The following SHISA9 variants were observed in gnomAD, a reference collection of about 807,000 sequenced individuals.
SHISA9 encodes the protein protein shisa-9.
SHISA9 carries 13 observed loss-of-function variants against 38.0 expected under a neutral mutation model. That is an observed-to-expected ratio of 0.34 (90% CI 0.22 to 0.54). The LOEUF (loss-of-function observed/expected upper bound fraction) is 0.54, where lower values mean the gene tolerates loss of function less well. SHISA9 is among the 20% of genes least tolerant of loss of function. The pLI is 0.91. For synonymous variants in SHISA9, 275 were observed against 242.0 expected, an observed-to-expected ratio of 1.14 and a Z score of -1.27; for missense variants, 538 against 575.8, an observed-to-expected ratio of 0.93 and a Z score of 0.67.
At chr16:12,919,577 A>C (rs888854409) in intron 2 of SHISA9, among the ~76,000 whole-genome samples, 4 of 152,176 alleles carry the variant, frequency 2.6e-5, no homozygotes, top group Non-Finnish European at 5.9e-5. Flanking sequence ...GTTTTAGTCA[A>C]ATGGTAAGAT....
At chr16:13,029,332 A>C (rs1363546767) in intron 2 of SHISA9, among the ~76,000 whole-genome samples, 2 of 151,378 alleles carry the variant, frequency 1.3e-5, no homozygotes, top group Non-Finnish European at 2.9e-5. Flanking sequence ...TTGGCTGAAC[A>C]CGGTGGCTTA....
chr16:13,218,164 A>C (rs1345950994), intron 4 of SHISA9, among the ~76,000 whole-genome samples: 2 of 152,196 alleles, frequency 1.3e-5, no homozygotes, highest in Admixed American at 1.3e-4. Flanking sequence ...AAAGTACGTC[A>C]CAACAGGACC....
At chr16:13,062,481 G>C (rs1048753373) in intron 2 of SHISA9, among the ~76,000 whole-genome samples, 4 of 152,204 alleles carry the variant, frequency 2.6e-5, no homozygotes, top group East Asian at 1.9e-4. Context: ...TGAGCAACAG[G>C]GGTCCTTTTG....
intron 2 of SHISA9, among the ~76,000 whole-genome samples, chr16:13,136,650 T>C (rs2050352085): frequency 6.6e-6 from 1 of 152,144 alleles, no homozygotes; most frequent in Admixed American, 6.5e-5. Context: ...TCCACCTGCC[T>C]TGGCCTCCCA....
the SHISA9 span, chr16:13,350,564 T>C: frequency 6.6e-6 from 1 of 152,210 alleles, no homozygotes; most frequent in Non-Finnish European, 1.5e-5. Flanking sequence ...TGAGATTGCT[T>C]CCTGTCTAGC....
At chr16:13,466,638 A>G in the SHISA9 span, among the ~76,000 whole-genome samples, 1 of 152,356 alleles carries the variant, frequency 6.6e-6, no homozygotes, top group South Asian at 2.1e-4. Context: ...TTCAAAAATG[A>G]AGATTGTAAC....
the SHISA9 span, among the ~76,000 whole-genome samples, chr16:13,494,637 G>A: frequency 6.6e-6 from 1 of 152,002 alleles, no homozygotes; most frequent in Non-Finnish European, 1.5e-5. Context: ...TGAACTTATA[G>A]GGGAATGGTT....
chr16:13,090,534 T>C (rs939849460), intron 2 of SHISA9, among the ~76,000 whole-genome samples: 4 of 152,230 alleles, frequency 2.6e-5, no homozygotes, highest in Non-Finnish European at 4.4e-5. Context: ...TCTTGTTTAA[T>C]TGATCCCTTT....
In SHISA9 at chr16:13,201,800, T is replaced by C. The variant is rs2051008765; in HGVS notation, c.692-1594T>C. On this transcript the variant is annotated intron_variant, in intron 2 of 4. Transcript: ENST00000558583. ...TGAGGATGAGGTGTGTGAAGCATATTGACCCCAGGGCAGTGGCTCCTATCA... is the reference window on the plus strand; with the variant it reads ...TGAGGATGAGGTGTGTGAAGCATATCGACCCCAGGGCAGTGGCTCCTATCA... 1.6e-5 allele frequency among the ~76,000 whole-genome samples: 2 copies of C among 124,466 alleles called. 1 individual carries two copies. Among genetic ancestry groups the C allele is most frequent in the African/African-American group, 6.6e-5 (2 of 30,438 alleles). The allele number at this position is 124,466 out of a possible 152,430, so 81.7% of individuals were successfully genotyped here. A position where few individuals can be genotyped will look rare whatever the true frequency, so the allele number is the denominator to read the frequency against.
At chr16:12,927,375 C>T (rs1394381647) in intron 2 of SHISA9, among the ~76,000 whole-genome samples, 6 of 152,050 alleles carry the variant, frequency 3.9e-5, no homozygotes, top group South Asian at 4.1e-4. Flanking sequence ...CCAAGACTGC[C>T]AATCTCAAAG....
intron 2 of SHISA9, among the ~76,000 whole-genome samples, chr16:13,090,380 C>T (rs1361662448): frequency 6.6e-6 from 1 of 152,210 alleles, no homozygotes; most frequent in East Asian, 1.9e-4. Context: ...TCTCACTGAT[C>T]TGTCTAATAT....
At chr16:12,966,111 CA>C (rs934128399) in intron 2 of SHISA9, among the ~76,000 whole-genome samples, 3 of 152,316 alleles carry the variant, frequency 2.0e-5, no homozygotes, top group Admixed American at 2.0e-4. Context: ...CAAGTTGTAA[CA>C]ACCAAAATTG....
intron 2 of SHISA9, among the ~76,000 whole-genome samples, chr16:13,103,716 A>G (rs1187353227): frequency 6.6e-6 from 1 of 152,014 alleles, no homozygotes; most frequent in Admixed American, 6.5e-5. Context: ...GGGTTATTTC[A>G]CCCTTGCTTT....
At chr16:13,506,500 A>G in the SHISA9 span, among the ~76,000 whole-genome samples, 2 of 152,196 alleles carry the variant, frequency 1.3e-5, no homozygotes, top group Non-Finnish European at 2.9e-5. Flanking sequence ...TGAAATTTCA[A>G]AGACGACGGT....
At chr16:13,552,319 C>T in the SHISA9 span, among the ~76,000 whole-genome samples, 24 of 152,232 alleles carry the variant, frequency 1.6e-4, no homozygotes, top group African/African-American at 5.5e-4. Context: ...ATATTAACAA[C>T]ACCCTTCCAT....
the SHISA9 span, among the ~76,000 whole-genome samples, chr16:13,435,176 A>G: frequency 6.6e-6 from 1 of 151,904 alleles, no homozygotes; most frequent in East Asian, 1.9e-4. Flanking sequence ...AGCCTCTATC[A>G]TTTTAACCAT....
intron 2 of SHISA9, among the ~76,000 whole-genome samples, chr16:13,072,061 C>T (rs999049397): frequency 2.6e-5 from 4 of 152,206 alleles, no homozygotes; most frequent in Non-Finnish European, 4.4e-5. Flanking sequence ...CTGCAGTGCC[C>T]GGGGACTAAA....
chr16:13,492,907 G>C, the SHISA9 span, among the ~76,000 whole-genome samples: 2 of 152,198 alleles, frequency 1.3e-5, no homozygotes, highest in African/African-American at 4.8e-5. Context: ...AGTTTAGTAT[G>C]TTTGAGAAAC....
At chr16:13,402,288 A>G in the SHISA9 span, among the ~76,000 whole-genome samples, 2 of 152,086 alleles carry the variant, frequency 1.3e-5, no homozygotes, top group Admixed American at 6.5e-5. Context: ...AGGTGAGCCA[A>G]TGGTAAATTT....
Sources: allele counts gnomAD v4.1 joint callset (sites outside exome capture counted in the v4.1 genomes callset), GRCh38; gene constraint gnomAD v4.1.1; transcripts MANE v1.5; gene names NCBI Gene and HGNC (gene_info 2026-07-23, HGNC 2026-07-21).